KHDRBS2: variants seen among roughly 807,000 people sequenced by gnomAD.
KHDRBS2 encodes KH domain-containing, RNA-binding, signal transduction-associated protein 2.
A neutral mutation model predicts 44.3 loss-of-function variants in KHDRBS2; 26 were observed. The ratio of observed to expected loss-of-function variants is 0.59; its 90% CI spans 0.43 to 0.81. The LOEUF is 0.81. Among genes scored for constraint, KHDRBS2 ranks in the 40% least tolerant of loss-of-function variants. KHDRBS2 has a pLI of 0.00. For missense variants in KHDRBS2, 476 were observed against 433.1 expected (o/e 1.10, Z -0.88); for synonymous variants, 194 against 151.1 (o/e 1.28, Z -2.08).
intron 1 of KHDRBS2, among the ~76,000 whole-genome samples, chr6:62,242,207 G>A (rs1253841157): frequency 6.6e-6 from 1 of 152,120 alleles, no homozygotes; most frequent in African/African-American, 2.4e-5. Flanking sequence ...GTTCACACAT[G>A]TCAGCCATTC....
At chr6:61,817,443 C>T (rs1346515666) in intron 6 of KHDRBS2, among the ~76,000 whole-genome samples, 1 of 152,038 alleles carries the variant, frequency 6.6e-6, no homozygotes, top group Admixed American at 6.6e-5. Context: ...TAAAAATACT[C>T]ACAGTGTGCT....
intron 6 of KHDRBS2, among the ~76,000 whole-genome samples, chr6:61,849,478 A>G (rs1795136905): frequency 6.6e-6 from 1 of 152,126 alleles, no homozygotes; most frequent in Non-Finnish European, 1.5e-5. Context: ...TAGAAAAAAT[A>G]AAGTACATAA....
intron 2 of KHDRBS2, among the ~76,000 whole-genome samples, chr6:62,054,500 T>C (rs1789818008): frequency 6.6e-6 from 1 of 152,024 alleles, no homozygotes; most frequent in Non-Finnish European, 1.5e-5. Context: ...TAAGAAACTA[T>C]ATGGGTGTGA....
At chr6:61,950,189 T>C (rs1435624588) in intron 4 of KHDRBS2, among the ~76,000 whole-genome samples, 3 of 152,152 alleles carry the variant, frequency 2.0e-5, no homozygotes, top group Admixed American at 6.6e-5. Flanking sequence ...GAAAATGCTA[T>C]TTTGTTGCAT....
At chr6:62,198,364 G>C (rs978176591) in intron 1 of KHDRBS2, among the ~76,000 whole-genome samples, 2 of 151,998 alleles carry the variant, frequency 1.3e-5, no homozygotes, top group Non-Finnish European at 2.9e-5. Flanking sequence ...AGAAAAGAGA[G>C]AAGAATCAAA....
chr6:61,880,587 AT>A lies in KHDRBS2; in HGVS notation c.810+14047del, dbSNP rs540433393. ...TATTTTGCTTAAAACATTTTAATTTATTTGGAATATAAAACAGACACATTTT... is the reference window on the plus strand; with the variant it reads ...TATTTTGCTTAAAACATTTTAATTTATTGGAATATAAAACAGACACATTTT... On this transcript the variant is annotated intron_variant, in intron 6 of 8. Coordinates refer to ENST00000281156, the MANE Select transcript of KHDRBS2 (RefSeq NM_152688.4). Among the ~76,000 whole-genome samples the A allele has an allele frequency of 2.3e-4, 35 of 152,016 alleles. No individual in the cohort carries two copies. In the East Asian group the frequency reaches 6.6e-3, roughly 29 times the overall value.
At chr6:62,254,209 T>C (rs545281294) in intron 1 of KHDRBS2, among the ~76,000 whole-genome samples, 86 of 152,178 alleles carry the variant, frequency 5.7e-4, no homozygotes, top group African/African-American at 2.0e-3. Context: ...GAATACTTTA[T>C]ATTAAAGTGC....
intron 4 of KHDRBS2, among the ~76,000 whole-genome samples, chr6:61,956,673 C>T (rs1334260277): frequency 6.6e-6 from 1 of 152,128 alleles, no homozygotes; most frequent in East Asian, 1.9e-4. Flanking sequence ...ATTCTCCATT[C>T]TCTGCACACC....
chr6:62,058,357 C>A (rs1486916407), intron 2 of KHDRBS2, among the ~76,000 whole-genome samples: 1 of 151,686 alleles, frequency 6.6e-6, no homozygotes, highest in Non-Finnish European at 1.5e-5. Flanking sequence ...TTTGTCCTAA[C>A]AATTGAAAAT....
chr6:62,092,224 T>C (rs981120738), intron 2 of KHDRBS2, among the ~76,000 whole-genome samples: 2 of 152,096 alleles, frequency 1.3e-5, no homozygotes, highest in African/African-American at 4.8e-5. Flanking sequence ...ATTTGGGGTT[T>C]GACGCCTGCA....
Position 62,131,804 on chromosome 6 carries a change from T to C in KHDRBS2, c.219+45381A>G, listed in dbSNP as rs61610868. 3.6e-3 allele frequency among the ~76,000 whole-genome samples: 544 copies of C among 152,290 alleles called. 1 individual carries two copies. The highest frequency in any genetic ancestry group is 0.013 in the African/African-American group (528 of 41,564). On this transcript the variant is annotated intron_variant, in intron 2 of 8. Coordinates refer to ENST00000281156, the MANE Select transcript of KHDRBS2 (RefSeq NM_152688.4). ...AAGAGTAGATATGGAGAGAAGTAAATGAGAAATACATGTTATACATTTAAG... is the reference window on the plus strand; with the variant it reads ...AAGAGTAGATATGGAGAGAAGTAAACGAGAAATACATGTTATACATTTAAG...
At chr6:62,048,724 C>T (rs929917517) in intron 2 of KHDRBS2, among the ~76,000 whole-genome samples, 1 of 151,800 alleles carries the variant, frequency 6.6e-6, no homozygotes, top group African/African-American at 2.4e-5. Flanking sequence ...TAAATAAGAA[C>T]AAGTGAACTA....
intron 6 of KHDRBS2, among the ~76,000 whole-genome samples, chr6:61,798,168 A>G (rs1373455040): frequency 6.6e-6 from 1 of 152,104 alleles, no homozygotes; most frequent in Admixed American, 6.6e-5. Context: ...CACAGGAGAA[A>G]TATCTCATGC....
In KHDRBS2 at chr6:61,896,969, C is replaced by G. The variant is rs147610627; in HGVS notation, c.612-2136G>C. Reference sequence around the variant, plus strand: ...TTCCTCATTCCTCCTTATTCGTTATCCTCCTTCACTGGCTTGTATTCCTGG... The same window carrying G: ...TTCCTCATTCCTCCTTATTCGTTATGCTCCTTCACTGGCTTGTATTCCTGG... On this transcript the variant is annotated intron_variant, in intron 5 of 8. Transcript: ENST00000281156. Among the ~76,000 whole-genome samples, 667 of 152,258 alleles carry G rather than the reference C, an allele frequency of 4.4e-3. 8 individuals are homozygous for G. Among genetic ancestry groups the G allele is most frequent in the African/African-American group, 0.015 (641 of 41,556 alleles).
At chr6:61,880,475 C>T (rs1193217625) in intron 6 of KHDRBS2, among the ~76,000 whole-genome samples, 1 of 151,790 alleles carries the variant, frequency 6.6e-6, no homozygotes, top group Non-Finnish European at 1.5e-5. Flanking sequence ...AAAAGAAAAT[C>T]TCAAACAAAA....
intron 7 of KHDRBS2, among the ~76,000 whole-genome samples, chr6:61,700,966 G>A (rs1030509871): frequency 3.9e-5 from 6 of 151,940 alleles, no homozygotes; most frequent in African/African-American, 1.4e-4. Context: ...TTACAACAGA[G>A]TAGATGAATA....
the KHDRBS2 span, among the ~76,000 whole-genome samples, chr6:61,654,519 A>T: frequency 6.6e-6 from 1 of 151,752 alleles, no homozygotes; most frequent in South Asian, 2.1e-4. Flanking sequence ...CCTGTGTCAG[A>T]CCTTGGGTCA....
At chr6:61,853,605 T>C (rs1356001771) in intron 6 of KHDRBS2, among the ~76,000 whole-genome samples, 2 of 152,176 alleles carry the variant, frequency 1.3e-5, no homozygotes, top group Non-Finnish European at 2.9e-5. Flanking sequence ...ATTTGACATG[T>C]CATCTGAAGT....
chr6:62,138,191 G>T (rs77481178), intron 2 of KHDRBS2, among the ~76,000 whole-genome samples: 3 of 151,986 alleles, frequency 2.0e-5, no homozygotes, highest in African/African-American at 7.3e-5. Flanking sequence ...TTCCAAATAC[G>T]GTATACATAA....
Sources: allele counts gnomAD v4.1 joint callset (sites outside exome capture counted in the v4.1 genomes callset), GRCh38; gene constraint gnomAD v4.1.1; transcripts MANE v1.5; gene names NCBI Gene and HGNC (gene_info 2026-07-23, HGNC 2026-07-21).